SCLT1: variants seen among roughly 807,000 people sequenced by gnomAD.
SCLT1 encodes the protein sodium channel-associated protein 1.
A neutral mutation model predicts 112.8 loss-of-function variants in SCLT1; 78 were observed. The ratio of observed to expected loss-of-function variants is 0.69; its 90% CI spans 0.58 to 0.83. SCLT1 has a LOEUF of 0.83. SCLT1 is among the 40% of genes least tolerant of loss of function. The pLI is 0.00. For synonymous variants in SCLT1, 257 were observed against 254.7 expected (o/e 1.01, Z -0.09); for missense variants, 747 against 770.4 (o/e 0.97, Z 0.36).
chr4:129,002,358 T>C (rs1242923893), intron 6 of SCLT1, among the ~76,000 whole-genome samples: 1 of 151,980 alleles, frequency 6.6e-6, no homozygotes, highest in Non-Finnish European at 1.5e-5. Context: ...AAAAACAGGA[T>C]ATATTTAACA....
intron 5 of SCLT1, among the ~76,000 whole-genome samples, chr4:129,034,308 TATC>T (rs1746996423): frequency 6.6e-6 from 1 of 152,002 alleles, no homozygotes; most frequent in African/African-American, 2.4e-5. Context: ...TAAGATCAAA[TATC>T]ATACCATTGA....
chr4:128,876,149 A>G (rs953781266), intron 4 of SCLT1, among the ~76,000 whole-genome samples: 2 of 152,208 alleles, frequency 1.3e-5, no homozygotes, highest in Non-Finnish European at 2.9e-5. Flanking sequence ...TGTAGATTAT[A>G]ATGATTAGGA....
At chr4:129,011,206 G>A (rs1041375174) in intron 5 of SCLT1, among the ~76,000 whole-genome samples, 1 of 152,126 alleles carries the variant, frequency 6.6e-6, no homozygotes, top group African/African-American at 2.4e-5. Context: ...TTCTGTTTAT[G>A]TGATGAATCA....
At chr4:129,092,355 A>T (rs1752917687) in intron 1 of SCLT1, among the ~76,000 whole-genome samples, 1 of 152,228 alleles carries the variant, frequency 6.6e-6, no homozygotes, top group South Asian at 2.1e-4. Flanking sequence ...TCAGTGTCAC[A>T]AATATTGTTC....
intron 2 of SCLT1, among the ~76,000 whole-genome samples, chr4:129,067,175 A>G (rs1750563737): frequency 6.6e-6 from 1 of 152,092 alleles, no homozygotes. Flanking sequence ...TTCCTGACAT[A>G]GAAAACACTT....
chr4:128,963,309 A>C (rs1739899882), intron 11 of SCLT1, among the ~76,000 whole-genome samples: 2 of 152,126 alleles, frequency 1.3e-5, no homozygotes, highest in African/African-American at 4.8e-5. Flanking sequence ...ACTGATGATA[A>C]TCCTTTGTAT....
chr4:128,900,611 G>A (rs1734197903), intron 18 of SCLT1, among the ~76,000 whole-genome samples: 1 of 152,182 alleles, frequency 6.6e-6, no homozygotes, highest in Non-Finnish European at 1.5e-5. Context: ...GAGGACATAG[G>A]CATGGGCAAG....
chr4:129,018,523 A>T (rs1042574916), intron 5 of SCLT1, among the ~76,000 whole-genome samples: 2 of 152,182 alleles, frequency 1.3e-5, no homozygotes, highest in African/African-American at 4.8e-5. Context: ...AAACTATAAA[A>T]CCATAGAAGA....
chr4:129,057,804 T>C (rs1274439430), intron 2 of SCLT1, among the ~76,000 whole-genome samples: 1 of 151,776 alleles, frequency 6.6e-6, no homozygotes, highest in African/African-American at 2.4e-5. Context: ...CAGGCTGGAG[T>C]GCAGTGGCAT....
chr4:128,947,127 A>C (rs12500341), intron 15 of SCLT1, among the ~76,000 whole-genome samples: 43,254 of 152,144 alleles, frequency 0.28, 6,364 homozygotes, highest in South Asian at 0.35. Context: ...TAAGCTGCAG[A>C]CCCAGCAGTA....
intron 5 of SCLT1, among the ~76,000 whole-genome samples, chr4:129,007,086 T>C (rs1025811881): frequency 4.6e-5 from 7 of 152,352 alleles, no homozygotes; most frequent in African/African-American, 1.7e-4. Flanking sequence ...ATTTCTAGCA[T>C]AATTTTCACT....
rs376363397 is a variant in SCLT1 at position 129,025,812 on chromosome 4, G to C, written c.290+13229C>G. ...GCTGTATTCAGGAAACCCATCTCAC[G>C]TGCAGAGACACACATAGGCTCAAAA... is the stretch of plus-strand genomic sequence containing the variant. On this transcript the variant is annotated intron_variant, in intron 5 of 20. Coordinates refer to ENST00000281142, the MANE Select transcript of SCLT1 (RefSeq NM_144643.4). Among the ~76,000 whole-genome samples, 124 of 151,598 alleles carry C rather than the reference G, an allele frequency of 8.2e-4. 1 individual carries two copies. The highest frequency in any genetic ancestry group is 5.8e-3 in the East Asian group (30 of 5,162).
chr4:129,029,048 G>C (rs1228850740), intron 5 of SCLT1, among the ~76,000 whole-genome samples: 1 of 152,142 alleles, frequency 6.6e-6, no homozygotes, highest in East Asian at 1.9e-4. Context: ...AGAGGATGCG[G>C]AGAAATAGGA....
chr4:129,085,019 T>C (rs1164199715), intron 1 of SCLT1, among the ~76,000 whole-genome samples: 6 of 151,900 alleles, frequency 3.9e-5, no homozygotes, highest in Non-Finnish European at 8.8e-5. Flanking sequence ...AAATTACAAA[T>C]GGAAACTAAT....
rs150990021 is a variant in SCLT1 at position 129,013,407 on chromosome 4, T to C, written c.291-9531A>G. On this transcript the variant is annotated intron_variant, in intron 5 of 20. Coordinates refer to ENST00000281142, the MANE Select transcript of SCLT1 (RefSeq NM_144643.4). ...TTATGTGGTTGCTTTACAGTGTCAC[T>C]GGTCTGTGTACTTCAGTGTATTTTT... Among the ~76,000 whole-genome samples, 1,210 of 152,346 alleles carry C rather than the reference T, an allele frequency of 7.9e-3. 14 individuals carry two copies. The highest frequency in any genetic ancestry group is 0.028 in the African/African-American group (1,160 of 41,582).
intron 3 of SCLT1, among the ~76,000 whole-genome samples, chr4:128,877,087 G>A (rs1389817219): frequency 2.0e-5 from 3 of 152,222 alleles, no homozygotes; most frequent in Non-Finnish European, 4.4e-5. Flanking sequence ...TATCTCCATA[G>A]TGATGACTTC....
chr4:128,928,682 A>G (rs1289496096), intron 18 of SCLT1, among the ~76,000 whole-genome samples: 1 of 152,002 alleles, frequency 6.6e-6, no homozygotes, highest in Non-Finnish European at 1.5e-5. Flanking sequence ...AAATACAAAA[A>G]CTAACCAGGC....
rs112379085 is a variant in SCLT1, at chr4:128,876,010, C to G, written n.355+497G>C. On this transcript the variant is annotated intron_variant and non_coding_transcript_variant, in intron 4 of 7. Transcript: ENST00000503565. Reference sequence around the variant, plus strand: ...TGGGCCTACACTCTCATTCTCATTTCTGAAAAGATTGTTTCCTGCCTGAAA... The same window carrying G: ...TGGGCCTACACTCTCATTCTCATTTGTGAAAAGATTGTTTCCTGCCTGAAA... Among the ~76,000 whole-genome samples, 867 of 152,218 alleles carry G rather than the reference C, an allele frequency of 5.7e-3. 14 individuals carry two copies. Among genetic ancestry groups the G allele is most frequent in the African/African-American group, 0.02 (812 of 41,544 alleles).
At chr4:128,894,430 T>C (rs1579301060) in intron 18 of SCLT1, among the ~76,000 whole-genome samples, 1 of 151,492 alleles carries the variant, frequency 6.6e-6, no homozygotes, top group African/African-American at 2.4e-5. Flanking sequence ...TATGTGTGTG[T>C]GTATGTGTAT....
Sources: gnomAD v4.1 joint callset for allele counts (sites outside exome capture counted in the v4.1 genomes callset) on GRCh38, gnomAD v4.1.1 for gene constraint, MANE v1.5 for transcripts, NCBI Gene and HGNC (gene_info 2026-07-23, HGNC 2026-07-21) for gene names.